The following BCAS3 variants were observed in gnomAD, a reference collection of about 807,000 sequenced individuals.
BCAS3 encodes the protein BCAS4/BCAS3 fusion.
In BCAS3, 53 loss-of-function variants were observed where a neutral mutation model predicts 116.1. The ratio of observed to expected loss-of-function variants is 0.46; its 90% CI spans 0.37 to 0.57. The LOEUF is 0.57. Ranked by LOEUF, BCAS3 falls within the 20% of genes least tolerant of loss-of-function variation. The pLI is 0.00. For missense variants in BCAS3, 917 were observed against 1,165.4 expected (o/e 0.79, Z 3.10); for synonymous variants, 391 against 408.2 (o/e 0.96, Z 0.51).
chr17:60,930,278 A>G (rs1186011887), intron 13 of BCAS3, among the ~76,000 whole-genome samples: 1 of 152,198 alleles, frequency 6.6e-6, no homozygotes, highest in Admixed American at 6.5e-5. Flanking sequence ...GCTAATAAAA[A>G]CAGTATTGCT....
In BCAS3 at chr17:61,156,046, C is replaced by A. The variant is rs1405930680; in HGVS notation, c.2425+71482C>A. Among the ~76,000 whole-genome samples, 2 of 151,948 alleles carry A rather than the reference C, an allele frequency of 1.3e-5. No individual in the cohort carries two copies. Among genetic ancestry groups the A allele is most frequent in the Non-Finnish European group, 2.9e-5 (2 of 67,992 alleles). On this transcript the variant is annotated intron_variant, in intron 22 of 23. Coordinates refer to ENST00000407086, the MANE Select transcript of BCAS3 (RefSeq NM_017679.5). The surrounding 1 kb of genome is among the most constrained non-coding windows in gnomAD (Gnocchi z 4.7). Reference sequence around the variant, plus strand: ...AAGTGACTTAAATGACTTTTCCCAACAAGCTCACCAGGCATTCAAAGGAAG... The same window carrying A: ...AAGTGACTTAAATGACTTTTCCCAAAAAGCTCACCAGGCATTCAAAGGAAG...
At chr17:61,176,321 T>C (rs2079143542) in intron 22 of BCAS3, among the ~76,000 whole-genome samples, 1 of 148,656 alleles carries the variant, frequency 6.7e-6, no homozygotes, top group African/African-American at 2.4e-5. Flanking sequence ...TGACTTTATA[T>C]ATAGATATAA....
chr17:61,048,810 T>C (rs903281735), intron 19 of BCAS3, among the ~76,000 whole-genome samples: 1 of 151,942 alleles, frequency 6.6e-6, no homozygotes, highest in African/African-American at 2.4e-5. Flanking sequence ...CTGAGGAAAC[T>C]GCAGCCTAGG....
At chr17:60,841,537 A>G (rs181718126) in intron 7 of BCAS3, among the ~76,000 whole-genome samples, 4,369 of 141,006 alleles carry the variant, frequency 0.031, 172 homozygotes, top group African/African-American at 0.093. Flanking sequence ...CCGCCACCAC[A>G]CCTGGCTAAT....
chr17:61,211,286 T>C lies in BCAS3; in HGVS notation c.2425+126722T>C, dbSNP rs966293897. 6.6e-6 allele frequency among the ~76,000 whole-genome samples: 1 copy of C among 152,218 alleles called. No homozygotes were observed. The highest frequency in any genetic ancestry group is 2.4e-5 in the African/African-American group (1 of 41,458). The stretch of plus-strand genomic sequence containing the variant: ...TTGGCCACCAAGGGGTTGTGCTTCC[T>C]TACTGACTGTATTTGTGATCTGTAA... On this transcript the variant is annotated intron_variant, in intron 22 of 23. Transcript: ENST00000407086. This position sits in a 1 kb window ranked among gnomAD's most constrained non-coding sequence, Gnocchi z 4.4.
intron 15 of BCAS3, among the ~76,000 whole-genome samples, chr17:60,991,571 G>A (rs2063527790): frequency 6.6e-6 from 1 of 152,194 alleles, no homozygotes; most frequent in East Asian, 1.9e-4. Context: ...AGGTTTTCAA[G>A]ATTGGGGAAT....
chr17:60,795,436 A>G (rs2047127919), intron 6 of BCAS3, among the ~76,000 whole-genome samples: 1 of 152,078 alleles, frequency 6.6e-6, no homozygotes. Context: ...TGCTCTGGCT[A>G]GGACTTCCAG....
chr17:60,955,386 A>G (rs1000469335), intron 14 of BCAS3, among the ~76,000 whole-genome samples: 1 of 128,086 alleles, frequency 7.8e-6, no homozygotes, highest in Admixed American at 7.7e-5. Context: ...GGGAAACTGA[A>G]TTTTTTTTTT....
At chr17:60,750,041 C>T (rs552530410) in intron 6 of BCAS3, among the ~76,000 whole-genome samples, 1 of 151,992 alleles carries the variant, frequency 6.6e-6, no homozygotes, top group South Asian at 2.1e-4. Context: ...GTGGCCAGTG[C>T]CTGTTATTCC....
intron 13 of BCAS3, among the ~76,000 whole-genome samples, chr17:60,944,129 A>G (rs758318047): frequency 2.6e-4 from 40 of 152,164 alleles, no homozygotes; most frequent in Non-Finnish European, 2.1e-4. Context: ...GAAATAATAA[A>G]TATAGTAACA....
In BCAS3 at chr17:61,226,834, A is replaced by T. The variant is rs1329611165; in HGVS notation, c.2426-141493A>T. Among the ~76,000 whole-genome samples, 1 of 152,204 alleles carries T rather than the reference A, an allele frequency of 6.6e-6. No individual in the cohort carries two copies. The highest frequency in any genetic ancestry group is 1.5e-5 in the Non-Finnish European group (1 of 68,042). ...ACTGTATCACATTTACGTATTAGGGAACTGAGCTTCAGAGAGAACCACATT... is the reference window on the plus strand; with the variant it reads ...ACTGTATCACATTTACGTATTAGGGTACTGAGCTTCAGAGAGAACCACATT... On this transcript the variant is annotated intron_variant, in intron 22 of 23. Coordinates refer to ENST00000407086, the MANE Select transcript of BCAS3 (RefSeq NM_017679.5). The surrounding 1 kb of genome is among the most constrained non-coding windows in gnomAD (Gnocchi z 6.0).
In BCAS3 at chr17:61,251,443, G is replaced by A. The variant is rs534472849; in HGVS notation, c.2426-116884G>A. On this transcript the variant is annotated intron_variant, in intron 22 of 23. Transcript: ENST00000407086. This position sits in a 1 kb window ranked among gnomAD's most constrained non-coding sequence, Gnocchi z 4.7. Reference sequence around the variant, plus strand: ...AAATTAGCCGGGCCTGGTGGCGGGCGCCTATAATCCCAACTACTAGGGAGG... The same window carrying A: ...AAATTAGCCGGGCCTGGTGGCGGGCACCTATAATCCCAACTACTAGGGAGG... Among the ~76,000 whole-genome samples, 6 of 152,128 alleles carry A rather than the reference G, an allele frequency of 3.9e-5. No individual in the cohort carries two copies. Among genetic ancestry groups the A allele is most frequent in the Admixed American group, 6.6e-5 (1 of 15,262 alleles).
intron 22 of BCAS3, among the ~76,000 whole-genome samples, chr17:61,110,758 G>A (rs1171385157): frequency 6.6e-6 from 1 of 152,154 alleles, no homozygotes; most frequent in Non-Finnish European, 1.5e-5. Context: ...AAGGAGGCCT[G>A]CCTGCCTCTG....
intron 19 of BCAS3, among the ~76,000 whole-genome samples, chr17:61,048,835 G>A (rs564784806): frequency 6.6e-6 from 1 of 152,064 alleles, no homozygotes; most frequent in South Asian, 2.1e-4. Context: ...AACCATCTGA[G>A]TGTCTTAGAG....
rs1274577255 is a variant in BCAS3, at chr17:61,376,397, G to T, written c.2593+7903G>T. Among the ~76,000 whole-genome samples the T allele has an allele frequency of 6.6e-6, 1 of 152,140 alleles. No individual in the cohort carries two copies. Among genetic ancestry groups the T allele is most frequent in the Non-Finnish European group, 1.5e-5 (1 of 68,020 alleles). ...CCCTACCACACACAACCACCAAGCT[G>T]CTTTGATCTTTCCAGAGAATCTTCT... On this transcript the variant is annotated intron_variant, in intron 23 of 23. Coordinates refer to ENST00000407086, the MANE Select transcript of BCAS3 (RefSeq NM_017679.5). The surrounding 1 kb of genome is among the most constrained non-coding windows in gnomAD (Gnocchi z 4.5).
At chr17:61,271,884 A>G (rs2050309686) in intron 22 of BCAS3, among the ~76,000 whole-genome samples, 1 of 151,948 alleles carries the variant, frequency 6.6e-6, no homozygotes, top group African/African-American at 2.4e-5. Context: ...ATCATACCTC[A>G]CTGCAGCCTC....
chr17:60,891,675 A>T (rs1351274646), intron 10 of BCAS3: 1 of 455,426 alleles, frequency 2.2e-6, no homozygotes, highest in Admixed American at 2.4e-5. Flanking sequence ...TTTGAGATTC[A>T]CAGGGTACAC....
chr17:60,793,747 G>T (rs927900021), intron 6 of BCAS3, among the ~76,000 whole-genome samples: 6 of 151,898 alleles, frequency 4.0e-5, no homozygotes, highest in Non-Finnish European at 8.8e-5. Context: ...CCTTTTTATG[G>T]CTCAGGAATA....
In BCAS3 at chr17:61,021,476, C is replaced by T. The variant is rs1464077302; in HGVS notation, c.1637+5575C>T. On this transcript the variant is annotated intron_variant, in intron 16 of 23. Coordinates refer to ENST00000407086, the MANE Select transcript of BCAS3 (RefSeq NM_017679.5). This position sits in a 1 kb window ranked among gnomAD's most constrained non-coding sequence, Gnocchi z 4.6. ...AATATGGAATTGGGAGTCTGAGGCCCTGGCTTCTTCTCATCTGGGTTCTGC... is the reference window on the plus strand; with the variant it reads ...AATATGGAATTGGGAGTCTGAGGCCTTGGCTTCTTCTCATCTGGGTTCTGC... Among the ~76,000 whole-genome samples, 1 of 152,042 alleles carries T rather than the reference C, an allele frequency of 6.6e-6. No homozygotes were observed. The highest frequency in any genetic ancestry group is 6.5e-5 in the Admixed American group (1 of 15,276).
Sources: gnomAD v4.1 joint callset for allele counts (sites outside exome capture counted in the v4.1 genomes callset) on GRCh38, gnomAD v4.1.1 for gene constraint, Gnocchi (gnomAD v3.1) non-coding constraint, MANE v1.5 for transcripts, NCBI Gene and HGNC (gene_info 2026-07-23, HGNC 2026-07-21) for gene names.